KIAA1217: variants seen among roughly 807,000 people sequenced by gnomAD.
KIAA1217 encodes the protein KIAA1217, also known as sickle tail protein homolog.
KIAA1217 carries 88 observed loss-of-function variants against 163.9 expected under a neutral mutation model. The observed-to-expected ratio is 0.54, with a 90% CI of 0.45 to 0.64. The LOEUF (loss-of-function observed/expected upper bound fraction) is 0.64. Among genes scored for constraint, KIAA1217 ranks in the 30% least tolerant of loss-of-function variants. KIAA1217 has a pLI of 0.00. For missense variants in KIAA1217, 2,372 were observed against 2,475.0 expected, an observed-to-expected ratio of 0.96 and a Z score of 0.88; for synonymous variants, 903 against 923.1, an observed-to-expected ratio of 0.98 and a Z score of 0.39.
At chr10:23,912,061 T>C (rs371755704) in intron 1 of KIAA1217, among the ~76,000 whole-genome samples, 16 of 152,112 alleles carry the variant, frequency 1.1e-4, no homozygotes, top group African/African-American at 3.9e-4. Context: ...TAGTGGTTCC[T>C]GGATGCTGTT....
intron 2 of KIAA1217, among the ~76,000 whole-genome samples, chr10:24,090,529 G>T (rs1259331434): frequency 1.3e-5 from 2 of 150,960 alleles, no homozygotes; most frequent in African/African-American, 4.9e-5. Flanking sequence ...TCCTTTCTGT[G>T]CTCCCAAGGA....
At chr10:23,872,736 A>G (rs750981775) in intron 1 of KIAA1217, among the ~76,000 whole-genome samples, 64 of 152,092 alleles carry the variant, frequency 4.2e-4, no homozygotes, top group Non-Finnish European at 6.6e-4. Flanking sequence ...AAAACAAGCT[A>G]ATTAAAGTGA....
chr10:24,130,647 T>C (rs1036054089), intron 2 of KIAA1217, among the ~76,000 whole-genome samples: 3 of 152,190 alleles, frequency 2.0e-5, no homozygotes, highest in Non-Finnish European at 2.9e-5. Flanking sequence ...CCCAAACAGA[T>C]GTATTATTCA....
intron 2 of KIAA1217, among the ~76,000 whole-genome samples, chr10:24,292,539 T>C (rs1398687272): frequency 6.6e-6 from 1 of 152,192 alleles, no homozygotes; most frequent in Non-Finnish European, 1.5e-5. Flanking sequence ...GGTTCTTACA[T>C]TCCATCTTGA....
chr10:24,473,530 C>T lies in KIAA1217; in HGVS notation c.1149C>T (p.Asn383=). 3 of 1,614,176 alleles carry T rather than the reference C, an allele frequency of 1.9e-6. No homozygotes were observed. The highest frequency in any genetic ancestry group is 2.5e-6 in the Non-Finnish European group (3 of 1,180,036). ...VKPDEDMSGK[N]IAMYRNEGFY... is the part of the protein sequence containing the mutation. ...CTGATGAAGACATGAGTGGCAAAAA[C>T]ATTGCAATGTACAGAAATGAGGGTT... Residue 383 remains asparagine (N), a synonymous_variant, in exon 6 of 21, where the codon AAC becomes AAT. Coordinates refer to ENST00000376454, the MANE Select transcript of KIAA1217 (RefSeq NM_019590.5).
intron 2 of KIAA1217, among the ~76,000 whole-genome samples, chr10:24,348,600 G>A (rs1389643307): frequency 6.6e-6 from 1 of 152,064 alleles, no homozygotes; most frequent in African/African-American, 2.4e-5. Flanking sequence ...TTTTAAATTT[G>A]TTTAAAAATG....
At chr10:23,864,049 A>G (rs563604686) in intron 1 of KIAA1217, among the ~76,000 whole-genome samples, 1 of 151,150 alleles carries the variant, frequency 6.6e-6, no homozygotes, top group Non-Finnish European at 1.5e-5. Context: ...ATTATTGAGT[A>G]CTCACAAAAA....
chr10:24,264,765 T>C (rs866010428), intron 2 of KIAA1217, among the ~76,000 whole-genome samples: 52 of 131,898 alleles, frequency 3.9e-4, no homozygotes, highest in East Asian at 3.3e-3. Context: ...CGGTCGGTCT[T>C]TCTCTCTCTC....
At chr10:24,097,890 G>A (rs2062224638) in intron 2 of KIAA1217, among the ~76,000 whole-genome samples, 2 of 152,252 alleles carry the variant, frequency 1.3e-5, no homozygotes, top group African/African-American at 4.8e-5. Context: ...TCATAGGCAG[G>A]AACAGCCACG....
chr10:24,350,565 C>T (rs2048333555), intron 2 of KIAA1217, among the ~76,000 whole-genome samples: 1 of 152,132 alleles, frequency 6.6e-6, no homozygotes, highest in African/African-American at 2.4e-5. Flanking sequence ...CATAAAACAT[C>T]AGTAATTAAG....
At chr10:24,147,319 C>A (rs921925991) in intron 2 of KIAA1217, among the ~76,000 whole-genome samples, 3 of 152,142 alleles carry the variant, frequency 2.0e-5, no homozygotes, top group African/African-American at 7.2e-5. Flanking sequence ...TCCCTAAACA[C>A]ATTTTGTTTC....
chr10:24,321,512 A>T (rs572292657), intron 2 of KIAA1217, among the ~76,000 whole-genome samples: 2 of 152,238 alleles, frequency 1.3e-5, no homozygotes, highest in South Asian at 4.2e-4. Context: ...CAGCCTGGGT[A>T]ACAGAGAGCA....
chr10:24,498,807 T>C (rs906391013), intron 8 of KIAA1217, among the ~76,000 whole-genome samples: 10 of 152,268 alleles, frequency 6.6e-5, no homozygotes, highest in African/African-American at 2.4e-4. Flanking sequence ...AGCGAAACCA[T>C]GTTAAAACAA....
At chr10:23,874,987 T>A (rs1330172887) in intron 1 of KIAA1217, among the ~76,000 whole-genome samples, 1 of 151,998 alleles carries the variant, frequency 6.6e-6, no homozygotes. Context: ...AAGGAGGAGC[T>A]GCCATATCAC....
chr10:24,208,125 T>C (rs575735402), upstream of KIAA1217, among the ~76,000 whole-genome samples: 303 of 151,966 alleles, frequency 2.0e-3, 1 homozygote, highest in African/African-American at 7.0e-3. Flanking sequence ...CATCCTCTTT[T>C]TTTTTTTTTT....
At chr10:24,517,082 C>A (rs1349913147) in intron 10 of KIAA1217, among the ~76,000 whole-genome samples, 2 of 151,758 alleles carry the variant, frequency 1.3e-5, no homozygotes, top group Non-Finnish European at 2.9e-5. Flanking sequence ...ACTCAGGAAG[C>A]TGAGGTAGGA....
chr10:24,241,298 T>C (rs2073063634), intron 2 of KIAA1217, among the ~76,000 whole-genome samples: 1 of 152,172 alleles, frequency 6.6e-6, no homozygotes, highest in South Asian at 2.1e-4. Context: ...TTGAAATAAC[T>C]CCCAGCAGCA....
At chr10:23,777,443 A>G (rs1367151735) in intron 1 of KIAA1217, among the ~76,000 whole-genome samples, 1 of 152,212 alleles carries the variant, frequency 6.6e-6, no homozygotes, top group Non-Finnish European at 1.5e-5. Flanking sequence ...TCAGCAGTTA[A>G]GAGGGAAGGG....
intron 1 of KIAA1217, among the ~76,000 whole-genome samples, chr10:23,782,429 TA>T (rs1452070112): frequency 1.3e-5 from 2 of 152,180 alleles, no homozygotes; most frequent in Non-Finnish European, 2.9e-5. Flanking sequence ...GCAACTTTAT[TA>T]AGTTAATTTT....
Sources: gnomAD v4.1 joint callset for allele counts (sites outside exome capture counted in the v4.1 genomes callset) on GRCh38, gnomAD v4.1.1 for gene constraint, MANE v1.5 for transcripts, NCBI Gene and HGNC (gene_info 2026-07-23, HGNC 2026-07-21) for gene names.